Variants in GTPBP4 observed in about 807,000 individuals in gnomAD.
GTPBP4 encodes the protein GTP-binding protein 4.
A neutral mutation model predicts 81.7 loss-of-function variants in GTPBP4; 15 were observed. That is an observed-to-expected ratio of 0.18 (90% CI 0.12 to 0.28). The LOEUF is 0.28. GTPBP4 is among the 10% of genes least tolerant of loss of function. The pLI, the probability that GTPBP4 is intolerant of heterozygous loss-of-function variation, is 1.00. For synonymous variants in GTPBP4, 272 were observed against 274.6 expected (o/e 0.99, Z 0.09); for missense variants, 847 against 793.8 (o/e 1.07, Z -0.81).
At chr10:990,906 C>T (rs190117559) in intron 1 of GTPBP4, among the ~76,000 whole-genome samples, 1 of 151,734 alleles carries the variant, frequency 6.6e-6, no homozygotes, top group East Asian at 1.9e-4. Flanking sequence ...CTTGGTCCCC[C>T]TTCAGGATGT....
At chr10:1,012,354 C>T (rs1242513213) in intron 13 of GTPBP4, 111 bp from the exon 14 acceptor site, 10 of 716,926 alleles carry the variant, frequency 1.4e-5, no homozygotes, top group Admixed American at 5.9e-5. Flanking sequence ...CCAGGGCAAT[C>T]GCTCTCCTCT....
intron 5 of GTPBP4, among the ~76,000 whole-genome samples, chr10:997,618 C>CTATA (rs1831557415): frequency 6.6e-6 from 1 of 152,166 alleles, no homozygotes; most frequent in Non-Finnish European, 1.5e-5. Context: ...TGTGTGTGTC[C>CTATA]TATAATTTCT....
Position 1,007,109 on chromosome 10 carries a change from C to G in GTPBP4, c.1094C>G (p.Pro365Arg). Residue 365 changes from proline (P) to arginine (R), a missense_variant, in exon 10 of 17, where the codon CCA becomes CGA. Around this residue, in one of 3 missense-constraint regions of GTPBP4, gnomAD observed 600 missense variants for 557.1 expected, o/e 1.08. Coordinates refer to ENST00000360803, the MANE Select transcript of GTPBP4 (RefSeq NM_012341.3). ...CTGAATAGACTGCACCTGGCTATCC[C>G]AACCAGGAGGGACGATAAGGTAAGA... ...EVLNRLHLAIPTRRDDKERPP... is the reference protein window; with the variant it reads ...EVLNRLHLAIRTRRDDKERPP... 6.3e-7 allele frequency: 1 copy of G among 1,595,766 alleles called. No homozygotes were observed. The highest frequency in any genetic ancestry group is 8.6e-7 in the Non-Finnish European group (1 of 1,163,174).
chr10:988,591 G>A (rs1831383550), intron 1 of GTPBP4, 64 bp downstream of exon 1: 1 of 1,268,730 alleles, frequency 7.9e-7, no homozygotes, highest in Non-Finnish European at 1.1e-6. Context: ...CCCGGGGAGG[G>A]TCCGGGCCTG....
intron 13 of GTPBP4, among the ~76,000 whole-genome samples, chr10:1,010,847 TG>T (rs1450315485): frequency 6.9e-6 from 1 of 144,560 alleles, no homozygotes; most frequent in Non-Finnish European, 1.5e-5. Flanking sequence ...GTCCCGACAC[TG>T]GTGGAGATGC....
rs1188765876 is a variant in GTPBP4 at position 1,014,223 on chromosome 10, A to G, written c.1543-24A>G. On this transcript the variant is annotated intron_variant, in intron 14 of 16. Coordinates refer to ENST00000360803, the MANE Select transcript of GTPBP4 (RefSeq NM_012341.3). ...CATTTCATCAAACTAATTTAAAGCT[A>G]ATATTTCTTTTTATCCTTCTCAGGT... 2.8e-6 allele frequency: 4 copies of G among 1,445,824 alleles called. No homozygotes were observed. The South Asian group carries it at 4.6e-5, about 17-fold the overall frequency. The allele number at this position is 1,445,824 out of a possible 1,614,324, so 89.6% of individuals were successfully genotyped here. A position where few individuals can be genotyped will look rare whatever the true frequency, so the allele number is the denominator to read the frequency against.
rs1249677389 is a variant in GTPBP4 at position 1,000,985 on chromosome 10, G to A, written c.884G>A (p.Arg295Lys). 3 of 1,609,846 alleles carry A rather than the reference G, an allele frequency of 1.9e-6. No individual in the cohort carries two copies. The highest frequency in any genetic ancestry group is 2.2e-5 in the South Asian group (2 of 90,976). ...IVVANKCDVK[R>K]IAELSEDDQK... ...GTAGCCAACAAATGTGATGTGAAGA[G>A]AATAGCTGAACTTTCTGAAGATGAT... The change falls in exon 8 of 17, where the codon AGA becomes AAA. Residue 295 changes from arginine to lysine, a missense_variant. This residue lies in a region of GTPBP4 where 600 missense variants were observed against 557.1 expected (regional missense o/e 1.08). Transcript: ENST00000360803.
At chr10:1,005,117 G>A (rs1285531203) in intron 8 of GTPBP4, among the ~76,000 whole-genome samples, 1 of 152,056 alleles carries the variant, frequency 6.6e-6, no homozygotes, top group Non-Finnish European at 1.5e-5. Context: ...TGGGTTGCTG[G>A]CGGCCCAGTG....
chr10:1,002,804 T>C lies in GTPBP4; in HGVS notation c.912+1791T>C, dbSNP rs542942909. Reference sequence around the variant, plus strand: ...TGTTAGTCTAATGGGGATTTTCTTATATGTGACTTCAAGCTTTTCTCTAGC... The same window carrying C: ...TGTTAGTCTAATGGGGATTTTCTTACATGTGACTTCAAGCTTTTCTCTAGC... On this transcript the variant is annotated intron_variant, in intron 8 of 16. Transcript: ENST00000360803. 1.6e-4 allele frequency among the ~76,000 whole-genome samples: 25 copies of C among 152,342 alleles called. No homozygotes were observed. In the South Asian group the frequency reaches 2.7e-3, roughly 16 times the overall value.
In GTPBP4 at chr10:1,017,588, G is replaced by A. The variant is rs541949461; in HGVS notation, c.*361G>A. Reference sequence around the variant, plus strand: ...ACGTTTATGAGTGTGTCGGAATCCCGTGCTTAAAATACGCTCTTAAATTAT... The same window carrying A: ...ACGTTTATGAGTGTGTCGGAATCCCATGCTTAAAATACGCTCTTAAATTAT... On this transcript the variant is annotated 3_prime_UTR_variant, in exon 17 of 17. Transcript: ENST00000360803. The A allele has an allele frequency of 1.8e-4, 32 of 175,080 alleles. 1 individual carries two copies. In the South Asian group the frequency reaches 2.9e-3, roughly 16 times the overall value. 10.8% of individuals were successfully genotyped at this position (175,080 alleles called of 1,614,324 possible). A position where few individuals can be genotyped will look rare whatever the true frequency, so the allele number is the denominator to read the frequency against.
intron 8 of GTPBP4, among the ~76,000 whole-genome samples, chr10:1,004,082 C>T (rs1007486083): frequency 2.0e-5 from 3 of 152,104 alleles, no homozygotes; most frequent in African/African-American, 4.8e-5. Context: ...CCAGGGAAGA[C>T]GCACTCTGGA....
At chr10:1,004,363 C>T (rs780192584) in intron 8 of GTPBP4, among the ~76,000 whole-genome samples, 1 of 152,010 alleles carries the variant, frequency 6.6e-6, no homozygotes, top group East Asian at 1.9e-4. Flanking sequence ...TAGGGTTAGT[C>T]CAGCTCCAGG....
chr10:994,256 TTTTGTTTG>T lies in GTPBP4; in HGVS notation c.219+1621_219+1628del, dbSNP rs144764762. On this transcript the variant is annotated intron_variant, in intron 2 of 16. Transcript: ENST00000360803. ...GAAGAAAGTGATTTAAGAATGAGAT[TTTTGTTTG>T]TTTGTTTGTTTGTTTGTTTGTTTTG... 1.8e-3 allele frequency among the ~76,000 whole-genome samples: 271 copies of T among 150,446 alleles called. 3 individuals are homozygous for T. Among genetic ancestry groups the T allele is most frequent in the South Asian group, 4.2e-3 (20 of 4,708 alleles).
chr10:997,444 G>A (rs1044666675), intron 5 of GTPBP4, 136 bp downstream of exon 5: 2 of 702,226 alleles, frequency 2.8e-6, no homozygotes, highest in Non-Finnish European at 5.1e-6. Context: ...ATTCAGGACG[G>A]CCTTGGTAAT....
intron 13 of GTPBP4, among the ~76,000 whole-genome samples, chr10:1,011,397 CCTT>C (rs1461409420): frequency 3.9e-5 from 6 of 152,196 alleles, no homozygotes; most frequent in African/African-American, 1.2e-4. Context: ...TGCTATCCTG[CCTT>C]CTTCTCTCAG....
At chr10:1,011,888 AG>A (rs1214155661) in intron 13 of GTPBP4, among the ~76,000 whole-genome samples, 2 of 152,224 alleles carry the variant, frequency 1.3e-5, no homozygotes, top group Non-Finnish European at 2.9e-5. Context: ...TCCTCCGCAC[AG>A]CTGTGCCCGT....
intron 8 of GTPBP4, among the ~76,000 whole-genome samples, chr10:1,002,232 C>T (rs1377561827): frequency 6.6e-6 from 1 of 152,174 alleles, no homozygotes; most frequent in Non-Finnish European, 1.5e-5. Flanking sequence ...CTACAGTGCA[C>T]TTTAAATCCA....
intron 1 of GTPBP4, among the ~76,000 whole-genome samples, chr10:991,412 G>A (rs1049490658): frequency 6.6e-6 from 1 of 152,192 alleles, no homozygotes; most frequent in African/African-American, 2.4e-5. Context: ...TTAAAGAGAA[G>A]TGCTGACTCT....
chr10:1,013,724 A>G (rs1238852583), intron 14 of GTPBP4, among the ~76,000 whole-genome samples: 1 of 152,240 alleles, frequency 6.6e-6, no homozygotes, highest in African/African-American at 2.4e-5. Context: ...GGGGGAAGAA[A>G]GCCCACATGC....
Sources: allele counts gnomAD v4.1 joint callset (sites outside exome capture counted in the v4.1 genomes callset), GRCh38; gene constraint gnomAD v4.1.1; regional missense constraint gnomAD v4.1.1; transcripts MANE v1.5; gene names NCBI Gene and HGNC (gene_info 2026-07-23, HGNC 2026-07-21).